Variants in CNTN6 observed in about 807,000 individuals in gnomAD.
CNTN6 encodes contactin 6.
In CNTN6, 137 loss-of-function variants were observed where a neutral mutation model predicts 122.8. The observed-to-expected ratio is 1.12, with a 90% CI of 0.97 to 1.29. The LOEUF (loss-of-function observed/expected upper bound fraction) is 1.29, where lower values mean the gene tolerates loss of function less well. Ranked by LOEUF, CNTN6 falls within the 50% of genes most tolerant of loss-of-function variation. The pLI is 0.00. For synonymous variants in CNTN6, 570 were observed against 426.0 expected, an observed-to-expected ratio of 1.34 and a Z score of -4.16; for missense variants, 1,634 against 1,223.4, an observed-to-expected ratio of 1.34 and a Z score of -5.01.
chr3:1,214,346 T>G (rs1344151324), intron 2 of CNTN6, among the ~76,000 whole-genome samples: 3 of 148,114 alleles, frequency 2.0e-5, no homozygotes, highest in African/African-American at 5.0e-5. Flanking sequence ...TTTGCTCTTG[T>G]TGCCCAGGCT....
At chr3:1,098,907 A>G (rs2090701845) in intron 1 of CNTN6, among the ~76,000 whole-genome samples, 1 of 149,602 alleles carries the variant, frequency 6.7e-6, no homozygotes, top group Admixed American at 6.7e-5. Flanking sequence ...ATTTTATTGG[A>G]GATTTAACAT....
At chr3:1,309,045 A>G (rs1698819003) in intron 7 of CNTN6, among the ~76,000 whole-genome samples, 1 of 152,110 alleles carries the variant, frequency 6.6e-6, no homozygotes, top group African/African-American at 2.4e-5. Flanking sequence ...CTTTTATCAG[A>G]TATGCGTTTT....
intron 4 of CNTN6, among the ~76,000 whole-genome samples, chr3:1,245,268 T>TA (rs550829984): frequency 1.8e-4 from 1 of 5,628 alleles, no homozygotes; most frequent in African/African-American, 5.2e-4. Flanking sequence ...CATATATATA[T>TA]ATATATACAC....
intron 12 of CNTN6, among the ~76,000 whole-genome samples, chr3:1,362,881 A>G (rs190689170): frequency 6.6e-6 from 1 of 152,022 alleles, no homozygotes; most frequent in Non-Finnish European, 1.5e-5. Context: ...CTAAAGGGAA[A>G]AAAATCAGAT....
chr3:1,336,228 T>C lies in CNTN6; in HGVS notation c.1364+6293T>C, dbSNP rs186587087. Among the ~76,000 whole-genome samples, 98 of 152,248 alleles carry C rather than the reference T, an allele frequency of 6.4e-4. 3 individuals carry two copies. The highest frequency in any genetic ancestry group is 5.2e-3 in the Admixed American group (80 of 15,274). On this transcript the variant is annotated intron_variant, in intron 11 of 22. Transcript: ENST00000446702. ...TCAGAAAAAGTCTCATTAATAATGA[T>C]GATAACCACTTTAAGCACCTTCTAC...
At chr3:1,234,025 G>T (rs2094391366) in intron 4 of CNTN6, among the ~76,000 whole-genome samples, 2 of 152,070 alleles carry the variant, frequency 1.3e-5, no homozygotes, top group African/African-American at 4.8e-5. Context: ...CCAGAGGAAT[G>T]CAAAGGGTTT....
intron 1 of CNTN6, among the ~76,000 whole-genome samples, chr3:1,134,407 T>G (rs1196478053): frequency 6.6e-6 from 1 of 152,136 alleles, no homozygotes; most frequent in Non-Finnish European, 1.5e-5. Flanking sequence ...GTGTGCTCTG[T>G]GGAACCTAAG....
Position 1,401,472 on chromosome 3 carries a change from C to A in CNTN6, c.2744C>A (p.Thr915Lys). 6.2e-7 allele frequency: 1 copy of A among 1,612,000 alleles called. No homozygotes were observed. Among genetic ancestry groups the A allele is most frequent in the East Asian group, 2.2e-5 (1 of 44,810 alleles). The part of the protein sequence containing the change: ...QPPANIAWKL[T>K]NSKLCLNWEH... ...CCAGCAAACATTGCCTGGAAGCTGACAAACTCTAAATTATGCTTGAACTGG... is the reference window on the plus strand; with the variant it reads ...CCAGCAAACATTGCCTGGAAGCTGAAAAACTCTAAATTATGCTTGAACTGG... Residue 915 changes from threonine to lysine, a missense_variant, in exon 21 of 23, where the codon ACA becomes AAA. Thr to Lys is a moderately conservative substitution (Grantham distance 78). Coordinates refer to ENST00000446702, the MANE Select transcript of CNTN6 (RefSeq NM_001289080.2).
At chr3:1,375,209 GTTGT>G (rs1191343188) in intron 16 of CNTN6, among the ~76,000 whole-genome samples, 2 of 152,068 alleles carry the variant, frequency 1.3e-5, no homozygotes, top group Non-Finnish European at 2.9e-5. Flanking sequence ...TTAGTTTCAG[GTTGT>G]TTGTTTACAG....
intron 2 of CNTN6, among the ~76,000 whole-genome samples, chr3:1,214,500 G>C (rs2094102053): frequency 6.6e-6 from 1 of 151,230 alleles, no homozygotes; most frequent in African/African-American, 2.4e-5. Flanking sequence ...AGTAGAGATG[G>C]GGTTTCACTA....
At chr3:1,099,741 A>G (rs563447175) in intron 1 of CNTN6, among the ~76,000 whole-genome samples, 1 of 152,260 alleles carries the variant, frequency 6.6e-6, no homozygotes, top group South Asian at 2.1e-4. Flanking sequence ...CGCACCTACT[A>G]TGATGTTGAT....
chr3:1,324,758 A>G (rs1196063747), intron 8 of CNTN6, among the ~76,000 whole-genome samples: 1 of 149,462 alleles, frequency 6.7e-6, no homozygotes, highest in Non-Finnish European at 1.5e-5. Flanking sequence ...CCCTTGGGCT[A>G]ACATTCTCAA....
At chr3:1,384,740 C>CAT (rs367867737) in intron 19 of CNTN6, among the ~76,000 whole-genome samples, 4,236 of 105,950 alleles carry the variant, frequency 0.04, 101 homozygotes, top group South Asian at 0.06. Context: ...CATATATATA[C>CAT]ATATATACAC....
chr3:1,369,210 T>G (rs1553702698), intron 12 of CNTN6, among the ~76,000 whole-genome samples: 1 of 152,188 alleles, frequency 6.6e-6, no homozygotes, highest in Non-Finnish European at 1.5e-5. Flanking sequence ...TCTTTCTCCA[T>G]AAACTGATCC....
intron 2 of CNTN6, among the ~76,000 whole-genome samples, chr3:1,172,620 C>CTCTCTGTGTGTG (rs762907787): frequency 5.1e-4 from 76 of 150,288 alleles, no homozygotes; most frequent in African/African-American, 1.8e-3. Flanking sequence ...CAATAACTCT[C>CTCTCTGTGTGTG]TGTGTGTGTG....
Position 1,383,322 on chromosome 3 carries a change from C to T in CNTN6, c.2431C>T (p.Leu811Phe). 1.2e-6 allele frequency: 2 copies of T among 1,614,028 alleles called. No homozygotes were observed. Among genetic ancestry groups the T allele is most frequent in the Non-Finnish European group, 1.7e-6 (2 of 1,179,890 alleles). The change falls in exon 19 of 23, where the codon CTC becomes TTC. Residue 811 changes from leucine (L) to phenylalanine (F), a missense_variant. Coordinates refer to ENST00000446702, the MANE Select transcript of CNTN6 (RefSeq NM_001289080.2). ...TCAACTGGCCCCAAGGGGAACTTCT[C>T]TCCAGAGTTTTTCTGCTTCTGAAAT... Reference protein sequence around the residue: ...EPQLAPRGTSLQSFSASEMEV... With the variant: ...EPQLAPRGTSFQSFSASEMEV...
intron 1 of CNTN6, among the ~76,000 whole-genome samples, chr3:1,145,472 CAAG>C (rs777917430): frequency 8.2e-6 from 1 of 121,908 alleles, no homozygotes; most frequent in Non-Finnish European, 1.7e-5. Context: ...CCTTTTATCA[CAAG>C]AAGGAGACAG....
chr3:1,145,409 C>A (rs571409735), intron 1 of CNTN6, among the ~76,000 whole-genome samples: 1 of 152,248 alleles, frequency 6.6e-6, no homozygotes, highest in African/African-American at 2.4e-5. Flanking sequence ...AACTCCCCAG[C>A]TGTATTGTCT....
At position 1,105,389 on chromosome 3, in the gene CNTN6, C is replaced by A. The variant is rs761228577; in HGVS notation, c.-83+12269C>A. On this transcript the variant is annotated intron_variant, in intron 1 of 22. Coordinates refer to ENST00000446702, the MANE Select transcript of CNTN6 (RefSeq NM_001289080.2). ...GATATTTTACATTTTTTCTTATGCT[C>A]AGGAAGTTCATCAGATATCGGTGAG... 2.2e-4 allele frequency among the ~76,000 whole-genome samples: 33 copies of A among 152,156 alleles called. No homozygotes were observed. In the East Asian group the frequency reaches 2.9e-3, roughly 13 times the overall value.
Sources: allele counts gnomAD v4.1 joint callset (sites outside exome capture counted in the v4.1 genomes callset), GRCh38; gene constraint gnomAD v4.1.1; transcripts MANE v1.5; gene names NCBI Gene and HGNC (gene_info 2026-07-23, HGNC 2026-07-21).